The following AUTS2 variants were observed in gnomAD, a reference collection of about 807,000 sequenced individuals.
AUTS2 encodes the protein activator of transcription and developmental regulator AUTS2.
A neutral mutation model predicts 112.4 loss-of-function variants in AUTS2; 17 were observed. The observed-to-expected ratio is 0.15, with a 90% confidence interval of 0.10 to 0.23. AUTS2 has a LOEUF of 0.23. AUTS2 is among the 10% of genes least tolerant of loss of function. The pLI is 1.00. For synonymous variants in AUTS2, 751 were observed against 702.7 expected, an observed-to-expected ratio of 1.07 and a Z score of -1.09; for missense variants, 1,510 against 1,701.6, an observed-to-expected ratio of 0.89 and a Z score of 1.98.
chr7:70,690,094 A>G (rs1055371463), intron 5 of AUTS2, among the ~76,000 whole-genome samples: 1 of 152,236 alleles, frequency 6.6e-6, no homozygotes, highest in Non-Finnish European at 1.5e-5. Context: ...GGCTCCTGTT[A>G]TCTCACTTTC....
At chr7:70,235,326 C>A (rs1812267133) in intron 4 of AUTS2, among the ~76,000 whole-genome samples, 5 of 151,862 alleles carry the variant, frequency 3.3e-5, no homozygotes, top group Admixed American at 3.3e-4. Flanking sequence ...TGTGTGGAGA[C>A]AGGATCTGAC....
intron 2 of AUTS2, among the ~76,000 whole-genome samples, chr7:70,046,723 A>G (rs769610594): frequency 1.2e-4 from 18 of 152,132 alleles, no homozygotes; most frequent in African/African-American, 4.1e-4. Flanking sequence ...CAGTAGTACT[A>G]TATTTCTTTT....
intron 5 of AUTS2, among the ~76,000 whole-genome samples, chr7:70,504,976 G>GT (rs1407913563): frequency 2.6e-5 from 4 of 152,202 alleles, no homozygotes; most frequent in Non-Finnish European, 5.9e-5. Flanking sequence ...ATTAGTTGTA[G>GT]TTGTGTCAAA....
chr7:70,334,401 G>T (rs1585029245), intron 4 of AUTS2, among the ~76,000 whole-genome samples: 1 of 152,180 alleles, frequency 6.6e-6, no homozygotes, highest in South Asian at 2.1e-4. Flanking sequence ...AGAGAAATGC[G>T]ATTCTGGAGA....
At chr7:70,724,045 C>T (rs1292879472) in intron 6 of AUTS2, among the ~76,000 whole-genome samples, 2 of 152,050 alleles carry the variant, frequency 1.3e-5, no homozygotes, top group African/African-American at 4.8e-5. Context: ...GCACCTGCCA[C>T]CACACCTGGC....
intron 2 of AUTS2, among the ~76,000 whole-genome samples, chr7:70,075,823 G>A (rs1803000127): frequency 6.6e-6 from 1 of 152,150 alleles, no homozygotes; most frequent in South Asian, 2.1e-4. Context: ...GTCATCACTG[G>A]GAACCTGTGG....
intron 2 of AUTS2, among the ~76,000 whole-genome samples, chr7:70,043,621 T>TC (rs1801363921): frequency 1.6e-5 from 2 of 121,984 alleles, no homozygotes; most frequent in African/African-American, 5.8e-5. Flanking sequence ...TTTTTTTTTT[T>TC]ATTTTTGGTC....
At position 70,787,383 on chromosome 7, in the gene AUTS2, G is replaced by C; in HGVS notation, c.2483G>C (p.Arg828Thr). 4 of 1,614,066 alleles carry C rather than the reference G, an allele frequency of 2.5e-6. No individual in the cohort carries two copies. The highest frequency in any genetic ancestry group is 3.4e-6 in the Non-Finnish European group (4 of 1,179,966). The stretch of plus-strand genomic sequence containing the variant: ...TCCGCTGCAGCTCATGACAGAGATA[G>C]AGATGTAGATAAACGAGACTCATCT... ...SASAAAHDRD[R>T]DVDKRDSSVS... The change falls in exon 18 of 19, where the codon AGA becomes ACA. Residue 828 changes from arginine to threonine, a missense_variant. Around this residue, in one of 3 missense-constraint regions of AUTS2, gnomAD observed 788 missense variants for 797.6 expected, o/e 0.99. Transcript: ENST00000342771.
chr7:70,132,629 A>G (rs571983021), intron 3 of AUTS2, among the ~76,000 whole-genome samples: 21 of 152,298 alleles, frequency 1.4e-4, no homozygotes, highest in Admixed American at 4.6e-4. Flanking sequence ...TAGCCAGAAC[A>G]AATATGCACA....
chr7:70,725,237 G>C (rs2141205), intron 6 of AUTS2, among the ~76,000 whole-genome samples: 117,468 of 152,064 alleles, frequency 0.77, 45,477 homozygotes, highest in East Asian at 0.94. Context: ...TCGGGTAAAT[G>C]TCGGAAGTGA....
intron 1 of AUTS2, among the ~76,000 whole-genome samples, chr7:69,707,894 C>T (rs551716033): frequency 1.3e-5 from 2 of 152,292 alleles, no homozygotes; most frequent in East Asian, 3.9e-4. Context: ...CATACTTGTT[C>T]GTTCAGTCGT....
intron 4 of AUTS2, among the ~76,000 whole-genome samples, chr7:70,325,743 A>G (rs1790458393): frequency 6.6e-6 from 1 of 152,212 alleles, no homozygotes; most frequent in South Asian, 2.1e-4. Context: ...CTGACCTTGC[A>G]TATTGCATGT....
chr7:70,561,355 C>T (rs1801477111), intron 5 of AUTS2, among the ~76,000 whole-genome samples: 1 of 152,216 alleles, frequency 6.6e-6, no homozygotes, highest in Non-Finnish European at 1.5e-5. Context: ...GGGCCAAGCA[C>T]AGGGACTCAC....
chr7:70,336,641 G>A (rs754171729), intron 4 of AUTS2, among the ~76,000 whole-genome samples: 3 of 151,690 alleles, frequency 2.0e-5, no homozygotes, highest in Non-Finnish European at 4.4e-5. Context: ...TTTAATTTTG[G>A]GTAAAAATAA....
intron 2 of AUTS2, among the ~76,000 whole-genome samples, chr7:70,095,521 G>A (rs1266798479): frequency 2.6e-5 from 4 of 152,078 alleles, no homozygotes; most frequent in African/African-American, 9.7e-5. Flanking sequence ...TCATGAATAT[G>A]TACATTCACT....
At chr7:70,051,901 A>C (rs545520401) in intron 2 of AUTS2, among the ~76,000 whole-genome samples, 2 of 152,304 alleles carry the variant, frequency 1.3e-5, no homozygotes, top group African/African-American at 4.8e-5. Context: ...ACTGACCATC[A>C]TGGGAGTGGT....
intron 1 of AUTS2, among the ~76,000 whole-genome samples, chr7:69,767,543 C>A (rs867085103): frequency 6.6e-6 from 1 of 152,172 alleles, no homozygotes; most frequent in Non-Finnish European, 1.5e-5. Context: ...TCCATGTGGG[C>A]CCTTAAACAC....
At chr7:70,653,241 CA>C (rs200401564) in intron 5 of AUTS2, among the ~76,000 whole-genome samples, 3,556 of 151,310 alleles carry the variant, frequency 0.024, 163 homozygotes, top group African/African-American at 0.081. Context: ...GACCTTGTCT[CA>C]AAAAAAAATT....
intron 4 of AUTS2, among the ~76,000 whole-genome samples, chr7:70,398,467 T>C (rs1324915746): frequency 6.6e-6 from 1 of 152,020 alleles, no homozygotes; most frequent in African/African-American, 2.4e-5. Context: ...ATTTTTTGTG[T>C]GATCCCTAGT....
Sources: allele counts gnomAD v4.1 joint callset (sites outside exome capture counted in the v4.1 genomes callset), GRCh38; gene constraint gnomAD v4.1.1; regional missense constraint gnomAD v4.1.1; transcripts MANE v1.5; gene names NCBI Gene and HGNC (gene_info 2026-07-23, HGNC 2026-07-21).